Variants in ELF3 observed in about 807,000 individuals in gnomAD.
The protein encoded by ELF3 is ETS-related transcription factor Elf-3.
ELF3 carries 18 observed loss-of-function variants against 43.9 expected under a neutral mutation model. The ratio of observed to expected loss-of-function variants is 0.41; its 90% CI spans 0.28 to 0.61. ELF3 has a LOEUF of 0.61. Among genes scored for constraint, ELF3 ranks in the 20% least tolerant of loss-of-function variants. The probability of loss-of-function intolerance (pLI) is 0.30; values close to 1 mark genes in which losing one functional copy is unlikely to be tolerated. For missense variants in ELF3, 373 were observed against 487.7 expected (o/e 0.76, Z 2.21); for synonymous variants, 181 against 190.2 (o/e 0.95, Z 0.40).
Position 202,011,096 on chromosome 1 carries a change from C to T in ELF3, c.-8-33C>T, listed in dbSNP as rs759083837. On this transcript the variant is annotated intron_variant, in intron 1 of 8. Coordinates refer to ENST00000367284, the MANE Select transcript of ELF3 (RefSeq NM_004433.5). Reference sequence around the variant, plus strand: ...TGTAAGGAGAGGACCCTCGTCCCCTCACCAACCTCATCCTCTCTCCCCCTA... The same window carrying T: ...TGTAAGGAGAGGACCCTCGTCCCCTTACCAACCTCATCCTCTCTCCCCCTA... The T allele has an allele frequency of 5.6e-6, 9 of 1,611,416 alleles. 2 individuals are homozygous for T. In the South Asian group the frequency reaches 9.9e-5, roughly 18 times the overall value.
At chr1:202,011,369 T>C (rs1461695482) in intron 2 of ELF3, 70 bp downstream of exon 2, 1 of 1,480,810 alleles carries the variant, frequency 6.8e-7, no homozygotes, top group Non-Finnish European at 9.0e-7. Flanking sequence ...GTTAGACAAA[T>C]GGGGGAATAG....
At position 202,012,624 on chromosome 1, in the gene ELF3, C is replaced by A. The variant is rs1387353288; in HGVS notation, c.479-16C>A. 1 of 1,572,704 alleles carries A rather than the reference C, an allele frequency of 6.4e-7. No individual in the cohort carries two copies. Among genetic ancestry groups the A allele is most frequent in the Non-Finnish European group, 8.6e-7 (1 of 1,158,648 alleles). The stretch of plus-strand genomic sequence containing the variant: ...GTCCCCTGAGCCCTCTCTGAGTTCT[C>A]ACCTCCTCTTCCCAGACCAGGGCAG... On this transcript the variant is annotated splice_polypyrimidine_tract_variant and intron_variant, in intron 4 of 8. Transcript: ENST00000367284. This position sits in a 1 kb window ranked among gnomAD's most constrained non-coding sequence, Gnocchi z 4.2.
chr1:202,014,898 G>A (rs1257835161), intron 8 of ELF3: 5 of 283,802 alleles, frequency 1.8e-5, no homozygotes, highest in Admixed American at 8.3e-5. Context: ...GTGAGCCACC[G>A]TGCCCAGCTC....
chr1:202,014,606 T>G (rs1211411923), intron 8 of ELF3, among the ~76,000 whole-genome samples: 1 of 151,286 alleles, frequency 6.6e-6, no homozygotes, highest in Non-Finnish European at 1.5e-5. Flanking sequence ...TCTTTTTTCT[T>G]CTTCTTCTTT....
At chr1:202,015,002 A>T (rs1472485051) in intron 8 of ELF3, 9 of 544,286 alleles carry the variant, frequency 1.7e-5, no homozygotes, top group Non-Finnish European at 3.0e-5. Context: ...TGTCCTGGGC[A>T]CGGTTACAGG....
In ELF3 at chr1:202,012,709, G is replaced by A; in HGVS notation, c.548G>A (p.Ser183Asn). 2 of 1,606,772 alleles carry A rather than the reference G, an allele frequency of 1.2e-6. No homozygotes were observed. The highest frequency in any genetic ancestry group is 2.2e-5 in the East Asian group (1 of 44,772). The change falls in exon 5 of 9, where the codon AGC becomes AAC. Residue 183 changes from serine to asparagine, a missense_variant. Physicochemically the swap from Ser to Asn is conservative, Grantham distance 46 (BLOSUM62 1). Around this residue, in one of 3 missense-constraint regions of ELF3, gnomAD observed 311 missense variants for 351.2 expected, o/e 0.89. Transcript: ENST00000367284. This position sits in a 1 kb window ranked among gnomAD's most constrained non-coding sequence, Gnocchi z 4.2. ...GQQASPYHPG[S>N]CGAGAPSPGS... is the part of the protein sequence containing the mutation. Reference sequence around the variant, plus strand: ...CAAGCCAGCCCCTACCACCCCGGCAGCTGTGGCGCAGGAGCCCCCTCCCCT... The same window carrying A: ...CAAGCCAGCCCCTACCACCCCGGCAACTGTGGCGCAGGAGCCCCCTCCCCT...
Position 202,015,520 on chromosome 1 carries a change from C to G in ELF3, c.*197C>G. The stretch of plus-strand genomic sequence containing the variant: ...TATGGCCTCGCCTCCCCACCCTCCT[C>G]TTGGAATTACAAGCCCTGGGGTTTG... On this transcript the variant is annotated 3_prime_UTR_variant, in exon 9 of 9. Coordinates refer to ENST00000367284, the MANE Select transcript of ELF3 (RefSeq NM_004433.5). 3.4e-6 allele frequency: 2 copies of G among 587,518 alleles called. No individual in the cohort carries two copies. The highest frequency in any genetic ancestry group is 2.0e-5 in the South Asian group (1 of 49,472). The allele number at this position is 587,518 out of a possible 1,614,324, so 36.4% of individuals were successfully genotyped here. A position where few individuals can be genotyped will look rare whatever the true frequency, so the allele number is the denominator to read the frequency against.
chr1:202,011,044 G>A lies in ELF3; in HGVS notation c.-8-85G>A, dbSNP rs1008732462. On this transcript the variant is annotated intron_variant, in intron 1 of 8. Transcript: ENST00000367284. ...GCCCCTGGGGGCTACTCTTGCCCAG[G>A]GTTGGGCAAAGCAGAGTAGCTGGGA... 4.7e-6 allele frequency: 7 copies of A among 1,501,862 alleles called. No individual in the cohort carries two copies. The African/African-American group carries it at 8.3e-5, about 18-fold the overall frequency. 93.0% of individuals were successfully genotyped at this position (1,501,862 alleles called of 1,614,324 possible). A position where few individuals can be genotyped will look rare whatever the true frequency, so the allele number is the denominator to read the frequency against.
At chr1:202,011,752 C>T in intron 2 of ELF3, 1 of 597,012 alleles carries the variant, frequency 1.7e-6, no homozygotes, top group South Asian at 2.1e-5. Flanking sequence ...TGGTGGGCAC[C>T]TATAATCCCA....
rs2102992168 is a variant in ELF3, at chr1:202,012,091, G to A, written c.298G>A (p.Ala100Thr). 2.5e-6 allele frequency: 4 copies of A among 1,614,154 alleles called. No homozygotes were observed. Among genetic ancestry groups the A allele is most frequent in the South Asian group, 1.1e-5 (1 of 91,078 alleles). Reference sequence around the variant, plus strand: ...CTTCTCACGATGTGACATGGATGGCGCCACCCTCTGCAATTGTGCCCTTGA... The same window carrying A: ...CTTCTCACGATGTGACATGGATGGCACCACCCTCTGCAATTGTGCCCTTGA... ...IDFSRCDMDG[A>T]TLCNCALEEL... Residue 100 changes from alanine (A) to threonine (T), a missense_variant, in exon 3 of 9, where the codon GCC (alanine) becomes ACC (threonine). Ala to Thr is a moderately conservative substitution (Grantham distance 58). Transcript: ENST00000367284. This position sits in a 1 kb window ranked among gnomAD's most constrained non-coding sequence, Gnocchi z 4.2.
At chr1:202,014,095 C>T in intron 8 of ELF3, 71 bp downstream of exon 8, 1 of 1,489,748 alleles carries the variant, frequency 6.7e-7, no homozygotes, top group Non-Finnish European at 9.0e-7. Flanking sequence ...CCACCGCCCT[C>T]TTTCTGGCTG....
Position 202,012,192 on chromosome 1 carries a change from C to T in ELF3, c.385+14C>T, listed in dbSNP as rs182364866. The stretch of plus-strand genomic sequence containing the variant: ...TGCGAGACCTCAGTGAGTCCAGGCC[C>T]CTGGAGGCTGGGGAGCAGCTCCACA... On this transcript the variant is annotated intron_variant, in intron 3 of 8. Coordinates refer to ENST00000367284, the MANE Select transcript of ELF3 (RefSeq NM_004433.5). This position sits in a 1 kb window ranked among gnomAD's most constrained non-coding sequence, Gnocchi z 4.2. The T allele has an allele frequency of 8.7e-5, 140 of 1,611,748 alleles. No homozygotes were observed. In the African/African-American group the frequency reaches 1.6e-3, roughly 18 times the overall value.
rs1684318373 is a variant in ELF3 at position 202,016,812 on chromosome 1, A to G, written c.*1489A>G. 6.6e-6 allele frequency: 1 copy of G among 152,136 alleles called. No individual in the cohort carries two copies. Among genetic ancestry groups the G allele is most frequent in the African/African-American group, 2.4e-5 (1 of 41,426 alleles). The allele number at this position is 152,136 out of a possible 1,614,324, so 9.4% of individuals were successfully genotyped here. ...CTCTGGCTCATTTAATCCTCTCCTA[A>G]GAAGAGAGGAGACACAGCGTCCCCA... On this transcript the variant is annotated 3_prime_UTR_variant, in exon 9 of 9. Transcript: ENST00000367284.
At position 202,012,873 on chromosome 1, in the gene ELF3, G is replaced by A. The variant is rs2102993067; in HGVS notation, c.599-74G>A. On this transcript the variant is annotated intron_variant, in intron 5 of 8. Transcript: ENST00000367284. This position sits in a 1 kb window ranked among gnomAD's most constrained non-coding sequence, Gnocchi z 4.2. ...CAGGAACAGGAACAGGCTGGGAAGT[G>A]TGTCCTGAGAGCCAGCAGCGTGGTT... The A allele has an allele frequency of 1.3e-6, 2 of 1,559,776 alleles. No individual in the cohort carries two copies. Among genetic ancestry groups the A allele is most frequent in the Non-Finnish European group, 8.7e-7 (1 of 1,154,428 alleles).
Position 202,012,250 on chromosome 1 carries a change from G to A in ELF3, c.385+72G>A. 3.7e-6 allele frequency: 6 copies of A among 1,606,018 alleles called. No homozygotes were observed. Among genetic ancestry groups the A allele is most frequent in the Non-Finnish European group, 5.1e-6 (6 of 1,175,326 alleles). On this transcript the variant is annotated intron_variant, in intron 3 of 8. Coordinates refer to ENST00000367284, the MANE Select transcript of ELF3 (RefSeq NM_004433.5). This position sits in a 1 kb window ranked among gnomAD's most constrained non-coding sequence, Gnocchi z 4.2. ...CTGAGTCGAGTTCAGTGTGGCCGTA[G>A]GCAGGCCCTGGAGCTCTGGGCCAGC...
At position 202,012,754 on chromosome 1, in the gene ELF3, C is replaced by T. The variant is rs1399670030; in HGVS notation, c.593C>T (p.Thr198Ile). ...APSPGSSDVS[T>I]AGTGASRSSH... The stretch of plus-strand genomic sequence containing the variant: ...TCCCCTGGCAGCTCTGACGTCTCCA[C>T]CGCAGGTGAGAGCTCTCTCTGGGCC... The change falls in exon 5 of 9, where the codon ACC becomes ATC. Residue 198 changes from threonine (T) to isoleucine (I), a missense_variant. Thr to Ile is a moderately conservative substitution (Grantham distance 89, BLOSUM62 -1). This residue lies in a region of ELF3 where 311 missense variants were observed against 351.2 expected (regional missense o/e 0.89). Coordinates refer to ENST00000367284, the MANE Select transcript of ELF3 (RefSeq NM_004433.5). This position sits in a 1 kb window ranked among gnomAD's most constrained non-coding sequence, Gnocchi z 4.2. The T allele has an allele frequency of 1.5e-5, 24 of 1,564,362 alleles. No individual in the cohort carries two copies. Among genetic ancestry groups the T allele is most frequent in the Non-Finnish European group, 1.7e-5 (20 of 1,156,450 alleles).
chr1:202,015,383 G>A lies in ELF3; in HGVS notation c.*60G>A. 3.9e-6 allele frequency: 6 copies of A among 1,552,706 alleles called. No individual in the cohort carries two copies. The highest frequency in any genetic ancestry group is 2.3e-5 in the East Asian group (1 of 44,068). On this transcript the variant is annotated 3_prime_UTR_variant, in exon 9 of 9. Transcript: ENST00000367284. ...CCACTCGAGGCCTGCAAACCTTCCT[G>A]GGAGGACAGGCAGGCCAGATGGCCC...
In ELF3 at chr1:202,011,225, C is replaced by T. The variant is rs2102991224; in HGVS notation, c.89C>T (p.Pro30Leu). The T allele has an allele frequency of 6.2e-7, 1 of 1,613,590 alleles. No individual in the cohort carries two copies. The highest frequency in any genetic ancestry group is 8.5e-7 in the Non-Finnish European group (1 of 1,179,742). The part of the protein sequence containing the change: ...SSEDSTLASV[P>L]PAATFGADDL... ...GAGGACTCCACCCTGGCCTCTGTTC[C>T]CCCTGCTGCCACCTTTGGGGCCGAT... Residue 30 changes from proline to leucine, a missense_variant, in exon 2 of 9, where the codon CCC becomes CTC. Coordinates refer to ENST00000367284, the MANE Select transcript of ELF3 (RefSeq NM_004433.5).
At position 202,012,169 on chromosome 1, in the gene ELF3, C is replaced by T. The variant is rs756079277; in HGVS notation, c.376C>T (p.Arg126Ter). 6 of 1,613,132 alleles carry T rather than the reference C, an allele frequency of 3.7e-6. No individual in the cohort carries two copies. The highest frequency in any genetic ancestry group is 1.3e-5 in the African/African-American group (1 of 74,904). ...GGGGGACCAACTCCATGCCCAGCTG[C>T]GAGACCTCAGTGAGTCCAGGCCCCT... Reference protein sequence around the residue: ...PLGDQLHAQLRDLTSSSSDEL... With the variant: ...PLGDQLHAQL Residue 126 changes from arginine to a stop codon, truncating the protein, a stop_gained, in exon 3 of 9, where the codon CGA becomes TGA. Transcript: ENST00000367284. LOFTEE classifies it high-confidence loss of function. The surrounding 1 kb of genome is among the most constrained non-coding windows in gnomAD (Gnocchi z 4.2).
Sources: gnomAD v4.1 joint callset for allele counts (sites outside exome capture counted in the v4.1 genomes callset) on GRCh38, gnomAD v4.1.1 for gene constraint, gnomAD v4.1.1 regional missense constraint, Gnocchi (gnomAD v3.1) non-coding constraint, MANE v1.5 for transcripts, NCBI Gene and HGNC (gene_info 2026-07-23, HGNC 2026-07-21) for gene names.